The following CALD1 variants were observed in gnomAD, a reference collection of about 807,000 sequenced individuals.
CALD1 encodes the protein caldesmon.
In CALD1, 33 loss-of-function variants were observed where a neutral mutation model predicts 99.9. The observed-to-expected ratio is 0.33, with a 90% CI of 0.25 to 0.44. The LOEUF (loss-of-function observed/expected upper bound fraction) is 0.44, where lower values mean the gene tolerates loss of function less well. Among genes scored for constraint, CALD1 ranks in the 20% least tolerant of loss-of-function variants. CALD1 has a pLI of 1.00. For synonymous variants in CALD1, 310 were observed against 325.0 expected (o/e 0.95, Z 0.50); for missense variants, 861 against 962.1 (o/e 0.89, Z 1.39).
intron 1 of CALD1, among the ~76,000 whole-genome samples, chr7:134,791,218 A>G (rs1486718703): frequency 6.6e-6 from 1 of 152,156 alleles, no homozygotes; most frequent in African/African-American, 2.4e-5. Context: ...GTTTTTTGAG[A>G]TGAAGTTTTG....
chr7:134,945,919 A>G lies in CALD1; in HGVS notation c.1533-1589A>G, dbSNP rs536607185. ...TGCCAGAGATCAGCTGCTAGAGTCA[A>G]GCTCAAGGCACAGTTGTGGACAGAT... On this transcript the variant is annotated intron_variant, in intron 7 of 14. Coordinates refer to ENST00000361675, the MANE Select transcript of CALD1 (RefSeq NM_033138.4). 3.9e-5 allele frequency among the ~76,000 whole-genome samples: 6 copies of G among 152,348 alleles called. No homozygotes were observed. In the East Asian group the frequency reaches 1.2e-3, roughly 29 times the overall value.
the CALD1 span, among the ~76,000 whole-genome samples, chr7:134,737,300 A>ATT: frequency 0.13 from 19,227 of 150,614 alleles, 1,483 homozygotes; most frequent in Non-Finnish European, 0.17. Flanking sequence ...AATTTTTGTA[A>ATT]TTTTTTTTTG....
At chr7:134,747,500 A>G (rs542290687) in intron 1 of CALD1, among the ~76,000 whole-genome samples, 4 of 152,368 alleles carry the variant, frequency 2.6e-5, no homozygotes, top group Admixed American at 2.0e-4. Context: ...TCCAGGACCT[A>G]TTGTTCGAGA....
At chr7:134,772,095 C>CTT (rs11427929) in intron 1 of CALD1, among the ~76,000 whole-genome samples, 5,315 of 137,982 alleles carry the variant, frequency 0.039, 312 homozygotes, top group African/African-American at 0.12. Context: ...AATAAATGAA[C>CTT]TTTTTTTTTT....
In CALD1 at chr7:134,970,211, A is replaced by G. The variant is rs1178223078; in HGVS notation, c.*1866A>G. The G allele has an allele frequency of 1.2e-4, 18 of 152,098 alleles. No homozygotes were observed. Among genetic ancestry groups the G allele is most frequent in the Admixed American group, 1.2e-3 (18 of 15,272 alleles). 9.4% of individuals were successfully genotyped at this position (152,098 alleles called of 1,614,324 possible). ...AATACAAGTGTCCCAGGTAGCATTG[A>G]CTCCCGTCATTGGAGTGAAATGGAT... On this transcript the variant is annotated 3_prime_UTR_variant, in exon 15 of 15. Coordinates refer to ENST00000361675, the MANE Select transcript of CALD1 (RefSeq NM_033138.4).
At chr7:134,951,559 A>C (rs1184614221) in intron 9 of CALD1, among the ~76,000 whole-genome samples, 1 of 152,242 alleles carries the variant, frequency 6.6e-6, no homozygotes, top group Non-Finnish European at 1.5e-5. Flanking sequence ...TGCAAATTTT[A>C]AAGCAATTAT....
intron 1 of CALD1, among the ~76,000 whole-genome samples, chr7:134,823,784 A>G (rs1269467403): frequency 1.3e-5 from 2 of 152,210 alleles, no homozygotes; most frequent in Non-Finnish European, 2.9e-5. Context: ...ATACAATTCA[A>G]TCCTTTTGGG....
intron 2 of CALD1, among the ~76,000 whole-genome samples, chr7:134,846,744 C>T (rs1456719208): frequency 1.3e-5 from 2 of 152,150 alleles, no homozygotes; most frequent in Non-Finnish European, 2.9e-5. Context: ...TTTATTCCCC[C>T]TCCTCACCCA....
At chr7:134,744,729 G>A (rs1796620433) in intron 1 of CALD1, among the ~76,000 whole-genome samples, 1 of 152,072 alleles carries the variant, frequency 6.6e-6, no homozygotes, top group South Asian at 2.1e-4. Context: ...TTCCCTAGAG[G>A]AGCCTCATCC....
At chr7:134,732,950 C>T in the CALD1 span, among the ~76,000 whole-genome samples, 1 of 152,184 alleles carries the variant, frequency 6.6e-6, no homozygotes, top group African/African-American at 2.4e-5. Context: ...CAGGAGTGCA[C>T]GCTCCTTTGC....
intron 6 of CALD1, among the ~76,000 whole-genome samples, chr7:134,939,346 C>T (rs970332463): frequency 1.3e-5 from 2 of 152,194 alleles, no homozygotes; most frequent in Admixed American, 6.5e-5. Context: ...CATTTTTTCA[C>T]GTACTTGGGA....
At chr7:134,847,812 C>T (rs1161700746) in intron 2 of CALD1, among the ~76,000 whole-genome samples, 1 of 152,194 alleles carries the variant, frequency 6.6e-6, no homozygotes, top group Non-Finnish European at 1.5e-5. Context: ...ACAACGGTGC[C>T]AGGAGCTCTT....
chr7:134,933,241 G>C lies in CALD1; in HGVS notation c.472G>C (p.Glu158Gln), dbSNP rs1208408202. 2 of 1,608,878 alleles carry C rather than the reference G, an allele frequency of 1.2e-6. No homozygotes were observed. ...EKEEKSESRQ[E>Q]RYEIEETETV... The stretch of plus-strand genomic sequence containing the variant: ...GGAAGAAAAAAGTGAAAGTCGCCAA[G>C]AAAGATACGAGATAGAGGAAACAGA... The change falls in exon 5 of 15, where the codon GAA (glutamate) becomes CAA (glutamine). Residue 158 changes from glutamate to glutamine, a missense_variant. This residue lies in a region of CALD1 where 234 missense variants were observed against 233.1 expected (regional missense o/e 1.00). Transcript: ENST00000361675.
At chr7:134,820,651 T>C (rs1196976874) in intron 1 of CALD1, among the ~76,000 whole-genome samples, 1 of 152,176 alleles carries the variant, frequency 6.6e-6, no homozygotes, top group Non-Finnish European at 1.5e-5. Context: ...CTTTAGTAAT[T>C]AATATCATTT....
intron 2 of CALD1, among the ~76,000 whole-genome samples, chr7:134,863,100 A>T (rs553235178): frequency 2.0e-5 from 3 of 152,218 alleles, no homozygotes; most frequent in Non-Finnish European, 4.4e-5. Context: ...ATCATATTGG[A>T]TAAGGGACCA....
At chr7:134,848,354 C>T (rs894401456) in intron 2 of CALD1, among the ~76,000 whole-genome samples, 26 of 152,152 alleles carry the variant, frequency 1.7e-4, no homozygotes, top group African/African-American at 5.5e-4. Context: ...CAAATGAAGT[C>T]TGAATATTCA....
In CALD1 at chr7:134,950,427, T is replaced by C; in HGVS notation, c.1848T>C (p.Ala616=). The C allele has an allele frequency of 1.9e-6, 3 of 1,614,108 alleles. No individual in the cohort carries two copies. Residue 616 remains alanine (A), a synonymous_variant, in exon 9 of 15, where the codon GCT becomes GCC. Transcript: ENST00000361675. ...EEIERRRAEA[A]EKRQKMPEDG... is the part of the protein sequence containing the mutation. ...TTGAAAGGCGAAGAGCAGAAGCTGC[T>C]GAGAAACGCCAGAAGATGCCAGAAG...
At chr7:134,831,960 GAGTGTTAA>G (rs538800809) in intron 1 of CALD1, among the ~76,000 whole-genome samples, 1 of 152,352 alleles carries the variant, frequency 6.6e-6, no homozygotes, top group South Asian at 2.1e-4. Flanking sequence ...GCAGGCACGT[GAGTGTTAA>G]AGAGAGAAGG....
intron 1 of CALD1, among the ~76,000 whole-genome samples, chr7:134,753,893 G>T (rs1294463743): frequency 1.3e-5 from 2 of 152,200 alleles, no homozygotes; most frequent in African/African-American, 2.4e-5. Flanking sequence ...TGCCCACTCT[G>T]TTGCAAACTC....
Sources: gnomAD v4.1 joint callset for allele counts (sites outside exome capture counted in the v4.1 genomes callset) on GRCh38, gnomAD v4.1.1 for gene constraint, gnomAD v4.1.1 regional missense constraint, MANE v1.5 for transcripts, NCBI Gene and HGNC (gene_info 2026-07-23, HGNC 2026-07-21) for gene names.